NOPCHAP1: variants seen among roughly 807,000 people sequenced by gnomAD.
The protein encoded by NOPCHAP1 is DNA damage-sensitive RNA 1.
A neutral mutation model predicts 14.0 loss-of-function variants in NOPCHAP1; 13 were observed. That is an observed-to-expected ratio of 0.93 (90% CI 0.60 to 1.47). The LOEUF (loss-of-function observed/expected upper bound fraction) is 1.47. NOPCHAP1 is among the 40% of genes most tolerant of loss of function. The pLI, the probability that NOPCHAP1 is intolerant of heterozygous loss-of-function variation, is 0.00. For missense variants in NOPCHAP1, 230 were observed against 226.9 expected (o/e 1.01, Z -0.09); for synonymous variants, 78 against 78.4 (o/e 1.00, Z 0.03).
intron 3 of NOPCHAP1, among the ~76,000 whole-genome samples, chr12:104,992,308 T>G (rs1873396134): frequency 6.6e-6 from 1 of 152,250 alleles, no homozygotes; most frequent in African/African-American, 2.4e-5. Context: ...TAATAATATC[T>G]AATTCATTAG....
rs888837180 is a variant in NOPCHAP1, at chr12:104,999,289, A to T, written c.*4593A>T. The stretch of plus-strand genomic sequence containing the variant: ...CCATGGGGGAGTCTGCAGTGGGAGG[A>T]GAGAGTGGGATCAGGTGGTCTGGTG... On this transcript the variant is annotated 3_prime_UTR_variant, in exon 4 of 4. Transcript: ENST00000552951. 10 of 152,218 alleles carry T rather than the reference A, an allele frequency of 6.6e-5. No homozygotes were observed. The highest frequency in any genetic ancestry group is 2.2e-4 in the African/African-American group (9 of 41,280). The allele number at this position is 152,218 out of a possible 1,614,324, so 9.4% of individuals were successfully genotyped here. A position where few individuals can be genotyped will look rare whatever the true frequency, so the allele number is the denominator to read the frequency against.
chr12:105,009,928 T>G lies in NOPCHAP1; in HGVS notation c.*15232T>G, dbSNP rs1295452274. On this transcript the variant is annotated 3_prime_UTR_variant, in exon 4 of 4. Transcript: ENST00000552951. ...AGGGATATTGGCTTGAAATTTTCTT[T>G]TTTTGTTGTGTCTTTGCCAGGTTTT... is the stretch of plus-strand genomic sequence containing the variant. 6.6e-6 allele frequency: 1 copy of G among 152,222 alleles called. No individual in the cohort carries two copies. Among genetic ancestry groups the G allele is most frequent in the Admixed American group, 6.5e-5 (1 of 15,272 alleles). The allele number at this position is 152,222 out of a possible 1,614,324, so 9.4% of individuals were successfully genotyped here.
rs11610803 is a variant in NOPCHAP1, at chr12:105,009,205, G to A, written c.*14509G>A. On this transcript the variant is annotated 3_prime_UTR_variant, in exon 4 of 4. Coordinates refer to ENST00000552951, the MANE Select transcript of NOPCHAP1 (RefSeq NM_152318.3). ...GGTCCTTCACATCCCTAGTAAGTTG[G>A]ATTCCTAGGTATTTTATTATCTTTG... The A allele has an allele frequency of 0.033, 5,037 of 152,134 alleles. 99 individuals carry two copies. Among genetic ancestry groups the A allele is most frequent in the Non-Finnish European group, 0.051 (3,462 of 67,998 alleles). The allele number at this position is 152,134 out of a possible 1,614,324, so 9.4% of individuals were successfully genotyped here. A position where few individuals can be genotyped will look rare whatever the true frequency, so the allele number is the denominator to read the frequency against.
intron 1 of NOPCHAP1, among the ~76,000 whole-genome samples, chr12:104,987,857 G>T (rs1033196759): frequency 6.6e-6 from 1 of 152,236 alleles, no homozygotes; most frequent in Non-Finnish European, 1.5e-5. Context: ...TGTTTCCTCC[G>T]TTCTGTCATT....
intron 2 of NOPCHAP1, among the ~76,000 whole-genome samples, chr12:104,991,486 T>A (rs1232027001): frequency 1.3e-5 from 2 of 152,182 alleles, no homozygotes; most frequent in Non-Finnish European, 2.9e-5. Flanking sequence ...GAGTTTACAG[T>A]CCTGGGGATA....
Position 105,007,039 on chromosome 12 carries a change from T to C in NOPCHAP1, c.*12343T>C, listed in dbSNP as rs979606413. 4.6e-5 allele frequency: 7 copies of C among 152,036 alleles called. No homozygotes were observed. Among genetic ancestry groups the C allele is most frequent in the African/African-American group, 1.7e-4 (7 of 41,422 alleles). The allele number at this position is 152,036 out of a possible 1,614,324, so 9.4% of individuals were successfully genotyped here. A position where few individuals can be genotyped will look rare whatever the true frequency, so the allele number is the denominator to read the frequency against. ...TCTATTATCTTGACTTTTTTTTTTT[T>C]TTTAAGTCAAACCTCTAAAATTATC... On this transcript the variant is annotated 3_prime_UTR_variant, in exon 4 of 4. Coordinates refer to ENST00000552951, the MANE Select transcript of NOPCHAP1 (RefSeq NM_152318.3).
chr12:104,992,482 T>G (rs1353962648), intron 3 of NOPCHAP1, among the ~76,000 whole-genome samples: 1 of 152,200 alleles, frequency 6.6e-6, no homozygotes, highest in Non-Finnish European at 1.5e-5. Context: ...GTGCCTTCCC[T>G]GGGGTCCGTT....
chr12:104,992,529 G>A (rs1036168076), intron 3 of NOPCHAP1, among the ~76,000 whole-genome samples: 5 of 152,112 alleles, frequency 3.3e-5, no homozygotes, highest in African/African-American at 9.7e-5. Flanking sequence ...TTCCCATCAC[G>A]TTTCAAATAA....
chr12:105,012,603 G>A lies in NOPCHAP1; in HGVS notation c.*17907G>A, dbSNP rs1873853938. 1 of 152,138 alleles carries A rather than the reference G, an allele frequency of 6.6e-6. No homozygotes were observed. Among genetic ancestry groups the A allele is most frequent in the African/African-American group, 2.4e-5 (1 of 41,410 alleles). The allele number at this position is 152,138 out of a possible 1,614,324, so 9.4% of individuals were successfully genotyped here. On this transcript the variant is annotated 3_prime_UTR_variant, in exon 4 of 4. Coordinates refer to ENST00000552951, the MANE Select transcript of NOPCHAP1 (RefSeq NM_152318.3). ...TGGAATTTTCAGCCTTTTTGCGCTGGGTTTTCCTCATCTTCCTGGATTTAC... is the reference window on the plus strand; with the variant it reads ...TGGAATTTTCAGCCTTTTTGCGCTGAGTTTTCCTCATCTTCCTGGATTTAC...
At position 104,995,665 on chromosome 12, in the gene NOPCHAP1, C is replaced by T. The variant is rs1252015422; in HGVS notation, c.*969C>T. 1 of 152,182 alleles carries T rather than the reference C, an allele frequency of 6.6e-6. No homozygotes were observed. The highest frequency in any genetic ancestry group is 1.5e-5 in the Non-Finnish European group (1 of 68,114). The allele number at this position is 152,182 out of a possible 1,614,324, so 9.4% of individuals were successfully genotyped here. On this transcript the variant is annotated 3_prime_UTR_variant, in exon 4 of 4. Transcript: ENST00000552951. ...CCCCAGGAGCCCCACTGTAATCTTT[C>T]CTCAGTGGAAACTAGCATATCTTTT...
chr12:104,988,074 G>A, intron 1 of NOPCHAP1, 93 bp from the exon 2 acceptor site: 1 of 993,468 alleles, frequency 1.0e-6, no homozygotes, highest in Non-Finnish European at 1.5e-6. Flanking sequence ...GGACAGTCAA[G>A]TCTTAAGACT....
rs1263423112 is a variant in NOPCHAP1 at position 104,998,587 on chromosome 12, G to GA, written c.*3893dup. On this transcript the variant is annotated 3_prime_UTR_variant, in exon 4 of 4. Coordinates refer to ENST00000552951, the MANE Select transcript of NOPCHAP1 (RefSeq NM_152318.3). ...CAAGATATTTCTGGACCACTGGTCA[G>GA]AACACTTCAATGGGTGGTGCCAGCC... The GA allele has an allele frequency of 6.6e-6, 1 of 152,352 alleles. No homozygotes were observed. The highest frequency in any genetic ancestry group is 2.4e-5 in the African/African-American group (1 of 41,456). The allele number at this position is 152,352 out of a possible 1,614,324, so 9.4% of individuals were successfully genotyped here.
intron 2 of NOPCHAP1, 120 bp downstream of exon 2, chr12:104,988,373 C>A: frequency 1.5e-6 from 1 of 655,014 alleles, no homozygotes; most frequent in Non-Finnish European, 2.6e-6. Flanking sequence ...TGGAACAAGT[C>A]CTACTTGGGA....
In NOPCHAP1 at chr12:105,007,195, C is replaced by T. The variant is rs1037392923; in HGVS notation, c.*12499C>T. The T allele has an allele frequency of 6.6e-6, 1 of 152,104 alleles. No individual in the cohort carries two copies. Among genetic ancestry groups the T allele is most frequent in the East Asian group, 1.9e-4 (1 of 5,192 alleles). 9.4% of individuals were successfully genotyped at this position (152,104 alleles called of 1,614,324 possible). ...GTCTGTAGCCTTTTTGATAGCAATC[C>T]TGTACCCACATAAAAGCTGCATTTT... On this transcript the variant is annotated 3_prime_UTR_variant, in exon 4 of 4. Transcript: ENST00000552951.
chr12:104,989,617 A>C (rs190384099), intron 2 of NOPCHAP1, among the ~76,000 whole-genome samples: 1 of 151,888 alleles, frequency 6.6e-6, no homozygotes, highest in African/African-American at 2.4e-5. Flanking sequence ...TTTCTTTGTG[A>C]GTCTTGAGCT....
At position 105,009,841 on chromosome 12, in the gene NOPCHAP1, T is replaced by A. The variant is rs1565942277; in HGVS notation, c.*15145T>A. ...ACTTGATTGTGGTGGATAAGCTTTT[T>A]GATGTGCTGCTGGATTCAGTTTGCT... On this transcript the variant is annotated 3_prime_UTR_variant, in exon 4 of 4. Transcript: ENST00000552951. The A allele has an allele frequency of 6.6e-6, 1 of 152,228 alleles. No individual in the cohort carries two copies. Among genetic ancestry groups the A allele is most frequent in the Non-Finnish European group, 1.5e-5 (1 of 68,044 alleles). 9.4% of individuals were successfully genotyped at this position (152,228 alleles called of 1,614,324 possible).
At chr12:104,992,744 C>T (rs1035814580) in intron 3 of NOPCHAP1, among the ~76,000 whole-genome samples, 1 of 152,104 alleles carries the variant, frequency 6.6e-6, no homozygotes, top group Non-Finnish European at 1.5e-5. Context: ...CCAAAAGGAG[C>T]GTGAACCCTA....
At position 105,005,119 on chromosome 12, in the gene NOPCHAP1, T is replaced by C. The variant is rs1034715099; in HGVS notation, c.*10423T>C. The C allele has an allele frequency of 5.3e-5, 8 of 152,172 alleles. No individual in the cohort carries two copies. The highest frequency in any genetic ancestry group is 1.9e-4 in the African/African-American group (8 of 41,384). 9.4% of individuals were successfully genotyped at this position (152,172 alleles called of 1,614,324 possible). ...AAGAAGAAGGCATACTCATTGTAAC[T>C]TTATGGAAATACATTGTAATTTCTG... On this transcript the variant is annotated 3_prime_UTR_variant, in exon 4 of 4. Coordinates refer to ENST00000552951, the MANE Select transcript of NOPCHAP1 (RefSeq NM_152318.3).
At chr12:104,986,755 C>T (rs1294643487) in intron 1 of NOPCHAP1, among the ~76,000 whole-genome samples, 1 of 152,202 alleles carries the variant, frequency 6.6e-6, no homozygotes, top group East Asian at 1.9e-4. Flanking sequence ...ATCTGCCCTG[C>T]CCTGGAAGCT....
Sources: gnomAD v4.1 joint callset for allele counts (sites outside exome capture counted in the v4.1 genomes callset) on GRCh38, gnomAD v4.1.1 for gene constraint, MANE v1.5 for transcripts, NCBI Gene and HGNC (gene_info 2026-07-23, HGNC 2026-07-21) for gene names.